The following ERBB3 variants were observed in gnomAD, a reference collection of about 807,000 sequenced individuals.
ERBB3 encodes the protein receptor tyrosine-protein kinase erbB-3.
Under a neutral mutation model 156.7 loss-of-function variants are expected in ERBB3, and 96 were observed. The ratio of observed to expected loss-of-function variants is 0.61; its 90% confidence interval spans 0.52 to 0.73. The LOEUF (loss-of-function observed/expected upper bound fraction) is 0.73. ERBB3 is among the 30% of genes least tolerant of loss of function. ERBB3 has a pLI of 0.00. For synonymous variants in ERBB3, 567 were observed against 632.0 expected, an observed-to-expected ratio of 0.90 and a Z score of 1.54; for missense variants, 1,406 against 1,709.4, an observed-to-expected ratio of 0.82 and a Z score of 3.13.
At chr12:56,091,602 T>C (rs2136806164) in intron 9 of ERBB3, among the ~76,000 whole-genome samples, 1 of 151,220 alleles carries the variant, frequency 6.6e-6, no homozygotes, top group East Asian at 2.0e-4. Context: ...CCTCCCAAAG[T>C]GCTGGGATTA....
At chr12:56,097,966 G>A in intron 21 of ERBB3, 26 bp downstream of exon 21, 3 of 1,611,334 alleles carry the variant, frequency 1.9e-6, no homozygotes, top group Non-Finnish European at 2.5e-6. Context: ...GGGTAAGGAG[G>A]CGGGGGTGGA....
chr12:56,098,613 C>G, intron 22 of ERBB3, 38 bp downstream of exon 22: 5 of 1,593,860 alleles, frequency 3.1e-6, no homozygotes, highest in Non-Finnish European at 4.3e-6. Flanking sequence ...CATCACTGGC[C>G]CCAGTTTCAA....
chr12:56,096,291 C>T, intron 17 of ERBB3: 1 of 625,100 alleles, frequency 1.6e-6, no homozygotes, highest in East Asian at 2.8e-5. Flanking sequence ...GAAAACCCAA[C>T]CCCTTTGATT....
At chr12:56,085,436 T>C in intron 3 of ERBB3, 2 of 1,418,344 alleles carry the variant, frequency 1.4e-6, no homozygotes, top group Non-Finnish European at 9.2e-7. Context: ...TAACCGTTTT[T>C]CTAATTTCAA....
chr12:56,096,887 A>G (rs1868906640), intron 19 of ERBB3, 41 bp downstream of exon 19: 1 of 1,493,560 alleles, frequency 6.7e-7, no homozygotes, highest in Admixed American at 1.7e-5. Context: ...GAGAGAGGAC[A>G]ATATTAGATA....
intron 16 of ERBB3, 29 bp downstream of exon 16, chr12:56,095,339 T>G (rs760645750): frequency 1.2e-5 from 19 of 1,582,744 alleles, no homozygotes; most frequent in Non-Finnish European, 1.6e-5. Context: ...TTCTGGAAAC[T>G]GGGGATATTT....
chr12:56,093,797 C>T lies in ERBB3; in HGVS notation c.1514C>T (p.Ser505Phe). Residue 505 changes from serine (S) to phenylalanine (F), a missense_variant, in exon 13 of 28, where the codon TCC becomes TTC. Ser to Phe is a radical substitution (Grantham distance 155). Transcript: ENST00000267101. ...GGCAAAGTGTGTGACCCACTGTGCT[C>T]CTCTGGGGGATGCTGGGGCCCAGGC... Reference protein sequence around the residue: ...AEGKVCDPLCSSGGCWGPGPG... With the variant: ...AEGKVCDPLCFSGGCWGPGPG... 6.2e-7 allele frequency: 1 copy of T among 1,614,034 alleles called. No individual in the cohort carries two copies. The highest frequency in any genetic ancestry group is 1.1e-5 in the South Asian group (1 of 91,064).
In ERBB3 at chr12:56,084,997, G is replaced by T. The variant is rs1262966386; in HGVS notation, c.237G>T (p.Trp79Cys). Residue 79 changes from tryptophan to cysteine, a missense_variant and splice_region_variant, in exon 3 of 28, where the codon TGG (tryptophan) becomes TGT (cysteine). Around this residue, in one of 3 missense-constraint regions of ERBB3, gnomAD observed 979 missense variants for 1,219.6 expected, o/e 0.80. Transcript: ENST00000267101. ...GHNADLSFLQ[W>C]IREVTGYVLV... ...TTACATAATCTGCTCTGTCACAGTG[G>T]ATTCGAGAAGTGACAGGCTATGTCC... is the stretch of plus-strand genomic sequence containing the variant. The T allele has an allele frequency of 6.2e-7, 1 of 1,613,754 alleles. No homozygotes were observed. Among genetic ancestry groups the T allele is most frequent in the Non-Finnish European group, 8.5e-7 (1 of 1,179,660 alleles).
rs750047837 is a variant in ERBB3 at position 56,098,917 on chromosome 12, G to A, written c.2839+12G>A. On this transcript the variant is annotated intron_variant, in intron 23 of 27. Coordinates refer to ENST00000267101, the MANE Select transcript of ERBB3 (RefSeq NM_001982.4). ...GGTGATGGTCAAGTGTGAGTTACCT[G>A]CTGAGCCCAACCATTTTCTCTTTTT... The A allele has an allele frequency of 6.2e-7, 1 of 1,612,216 alleles. No homozygotes were observed. The highest frequency in any genetic ancestry group is 8.5e-7 in the Non-Finnish European group (1 of 1,178,998).
chr12:56,083,406 C>T (rs775139070), intron 1 of ERBB3: 8 of 366,988 alleles, frequency 2.2e-5, no homozygotes, highest in East Asian at 6.5e-5. Flanking sequence ...ATCAAAGTTG[C>T]GGCCTTTTCC....
In ERBB3 at chr12:56,095,896, G is replaced by T. The variant is rs1042463962; in HGVS notation, c.2055+90G>T. On this transcript the variant is annotated intron_variant, in intron 17 of 27. Transcript: ENST00000267101. ...AGCTTAATTTTGAGTGGTACCCTGT[G>T]CACCCAGGGGTCAGTGATGGGATAA... 2.1e-5 allele frequency: 29 copies of T among 1,373,006 alleles called. No homozygotes were observed. In the African/African-American group the frequency reaches 3.3e-4, roughly 16 times the overall value. The allele number at this position is 1,373,006 out of a possible 1,614,324, so 85.1% of individuals were successfully genotyped here. A position where few individuals can be genotyped will look rare whatever the true frequency, so the allele number is the denominator to read the frequency against.
In ERBB3 at chr12:56,102,782, A is replaced by C. The variant is rs1400155098; in HGVS notation, c.*727A>C. The C allele has an allele frequency of 9.7e-6, 2 of 207,236 alleles. No individual in the cohort carries two copies. Among genetic ancestry groups the C allele is most frequent in the African/African-American group, 4.7e-5 (2 of 42,822 alleles). The allele number at this position is 207,236 out of a possible 1,614,324, so 12.8% of individuals were successfully genotyped here. On this transcript the variant is annotated 3_prime_UTR_variant, in exon 28 of 28. Coordinates refer to ENST00000267101, the MANE Select transcript of ERBB3 (RefSeq NM_001982.4). Reference sequence around the variant, plus strand: ...CAAGGAGTTTGAGACCAGCTTAGCCAACATAGTAAGACCCCCATCTCTTTA... The same window carrying C: ...CAAGGAGTTTGAGACCAGCTTAGCCCACATAGTAAGACCCCCATCTCTTTA...
chr12:56,096,661 C>T lies in ERBB3; in HGVS notation c.2175+39C>T, dbSNP rs771497238. 8.1e-6 allele frequency: 13 copies of T among 1,614,052 alleles called. No homozygotes were observed. In the Admixed American group the frequency reaches 8.3e-5, roughly 10 times the overall value. On this transcript the variant is annotated intron_variant, in intron 18 of 27. Coordinates refer to ENST00000267101, the MANE Select transcript of ERBB3 (RefSeq NM_001982.4). Reference sequence around the variant, plus strand: ...AGGAATTCTGGAGAGGTGGGGAAGGCATCTAGGGCAAAGGGGTGAAAGATT... The same window carrying T: ...AGGAATTCTGGAGAGGTGGGGAAGGTATCTAGGGCAAAGGGGTGAAAGATT...
chr12:56,088,088 A>G lies in ERBB3; in HGVS notation c.800A>G (p.Lys267Arg). Residue 267 changes from lysine to arginine, a missense_variant, in exon 7 of 28, where the codon AAG becomes AGG. By Grantham distance (26) the Lys-to-Arg change is conservative. Transcript: ENST00000267101. ...PRCPQPLVYNKLTFQLEPNPH... is the reference protein window; with the variant it reads ...PRCPQPLVYNRLTFQLEPNPH... ...TGTCCACAGCCTCTTGTCTACAACA[A>G]GCTAACTTTCCAGCTGGAACCCAAT... 1 of 1,614,196 alleles carries G rather than the reference A, an allele frequency of 6.2e-7. No individual in the cohort carries two copies.
intron 13 of ERBB3, 82 bp downstream of exon 13, chr12:56,093,978 T>A: frequency 6.3e-7 from 1 of 1,589,648 alleles, no homozygotes; most frequent in Non-Finnish European, 8.6e-7. Flanking sequence ...AATAAAAGTC[T>A]TTAGACAGCT....
In ERBB3 at chr12:56,099,990, C is replaced by T. The variant is rs2136826267; in HGVS notation, c.3090C>T (p.Ala1030=). 2 of 1,614,230 alleles carry T rather than the reference C, an allele frequency of 1.2e-6. No individual in the cohort carries two copies. Among genetic ancestry groups the T allele is most frequent in the Non-Finnish European group, 1.7e-6 (2 of 1,180,046 alleles). The change falls in exon 25 of 28, where the codon GCC becomes GCT. Residue 1030 remains alanine (A), a synonymous_variant. Coordinates refer to ENST00000267101, the MANE Select transcript of ERBB3 (RefSeq NM_001982.4). ...TGGCAACCACCACACTGGGCTCCGC[C>T]CTCAGCCTACCAGTTGGAACACTTA... ...DNLATTTLGS[A]LSLPVGTLNR...
In ERBB3 at chr12:56,094,198, G is replaced by A; in HGVS notation, c.1704+9G>A. 6.2e-7 allele frequency: 1 copy of A among 1,608,186 alleles called. No individual in the cohort carries two copies. Among genetic ancestry groups the A allele is most frequent in the Non-Finnish European group, 8.5e-7 (1 of 1,174,618 alleles). Reference sequence around the variant, plus strand: ...CCACATGCAATGGCTCGGTATACTAGTAGCACCAGGATCTCCAAGGGAGAC... The same window carrying A: ...CCACATGCAATGGCTCGGTATACTAATAGCACCAGGATCTCCAAGGGAGAC... On this transcript the variant is annotated intron_variant, in intron 14 of 27. Transcript: ENST00000267101.
In ERBB3 at chr12:56,097,084, G is replaced by A. The variant is rs2136818411; in HGVS notation, c.2314G>A (p.Val772Ile). 1 of 1,614,120 alleles carries A rather than the reference G, an allele frequency of 6.2e-7. No homozygotes were observed. Among genetic ancestry groups the A allele is most frequent in the Non-Finnish European group, 8.5e-7 (1 of 1,180,026 alleles). Residue 772 changes from valine (V) to isoleucine (I), a missense_variant, in exon 20 of 28, where the codon GTA (valine) becomes ATA (isoleucine). By Grantham distance (29) the Val-to-Ile change is conservative. Transcript: ENST00000267101. The stretch of plus-strand genomic sequence containing the variant: ...TGGCAGCCTGGACCATGCCCACATT[G>A]TAAGGCTGCTGGGACTATGCCCAGG... The part of the protein sequence containing the change: ...AIGSLDHAHI[V>I]RLLGLCPGSS...
Position 56,093,077 on chromosome 12 carries a change from G to A in ERBB3, c.1274+1G>A, listed in dbSNP as rs1015225315. ...CCATTGGAGGCAGAAGCCTCTACAA[G>A]TGAGTAAAGGGTATGGAGGAAATGG... On this transcript the variant is annotated splice_donor_variant, in intron 11 of 27. Coordinates refer to ENST00000267101, the MANE Select transcript of ERBB3 (RefSeq NM_001982.4). LOFTEE classifies it high-confidence loss of function. The A allele has an allele frequency of 3.1e-6, 5 of 1,604,768 alleles. No individual in the cohort carries two copies. The highest frequency in any genetic ancestry group is 3.4e-6 in the Non-Finnish European group (4 of 1,171,556).
Sources: gnomAD v4.1 joint callset for allele counts (sites outside exome capture counted in the v4.1 genomes callset) on GRCh38, gnomAD v4.1.1 for gene constraint, gnomAD v4.1.1 regional missense constraint, MANE v1.5 for transcripts, NCBI Gene and HGNC (gene_info 2026-07-23, HGNC 2026-07-21) for gene names.